The following FBLN5 variants were observed in gnomAD, a reference collection of about 807,000 sequenced individuals.
FBLN5 encodes fibulin-5.
A neutral mutation model predicts 61.6 loss-of-function variants in FBLN5; 24 were observed. The ratio of observed to expected loss-of-function variants is 0.39; its 90% CI spans 0.28 to 0.55. The LOEUF (loss-of-function observed/expected upper bound fraction) is 0.55, where lower values mean the gene tolerates loss of function less well. Ranked by LOEUF, FBLN5 falls within the 20% of genes least tolerant of loss-of-function variation. FBLN5 has a pLI of 0.65. For missense variants in FBLN5, 470 were observed against 594.1 expected, an observed-to-expected ratio of 0.79 and a Z score of 2.17; for synonymous variants, 213 against 219.8, an observed-to-expected ratio of 0.97 and a Z score of 0.27.
chr14:91,917,438 T>C (rs944046715), intron 4 of FBLN5, among the ~76,000 whole-genome samples: 1 of 151,774 alleles, frequency 6.6e-6, no homozygotes, highest in Non-Finnish European at 1.5e-5. Flanking sequence ...TAGCTGGGCA[T>C]GGTGGCGTGC....
chr14:91,924,074 T>C (rs1195444413), intron 4 of FBLN5, among the ~76,000 whole-genome samples: 1 of 152,238 alleles, frequency 6.6e-6, no homozygotes, highest in Non-Finnish European at 1.5e-5. Context: ...AAATTATGCC[T>C]AGTGTTCCAT....
At chr14:91,887,131 C>A (rs1889760297) in intron 7 of FBLN5, 62 bp downstream of exon 7, 4 of 1,588,386 alleles carry the variant, frequency 2.5e-6, no homozygotes, top group East Asian at 2.2e-5. Context: ...GAAGCCCTTG[C>A]CCTTCAACCC....
rs58984750 is a variant in FBLN5, at chr14:91,937,352, T to C, written c.125-151A>G. On this transcript the variant is annotated intron_variant, in intron 3 of 10. Transcript: ENST00000342058. Reference sequence around the variant, plus strand: ...CATCGCGGTAAGGTACCCCAAATGTTGGCTGAAGTGTATCAAAGTAACCAG... The same window carrying C: ...CATCGCGGTAAGGTACCCCAAATGTCGGCTGAAGTGTATCAAAGTAACCAG... The C allele has an allele frequency of 0.013, 12,418 of 934,768 alleles. 310 individuals carry two copies. The highest frequency in any genetic ancestry group is 0.091 in the East Asian group (3,468 of 38,024). The allele number at this position is 934,768 out of a possible 1,614,324, so 57.9% of individuals were successfully genotyped here.
At position 91,881,240 on chromosome 14, in the gene FBLN5, T is replaced by A. The variant is rs1165871669; in HGVS notation, c.989+52A>T. ...CTTTCACACCACACCTCCAACCTCC[T>A]GAGCCAGGCCCTCATCAGGTTTCTA... On this transcript the variant is annotated intron_variant, in intron 9 of 10. Coordinates refer to ENST00000342058, the MANE Select transcript of FBLN5 (RefSeq NM_006329.4). 23 of 1,611,168 alleles carry A rather than the reference T, an allele frequency of 1.4e-5. 1 individual carries two copies. The highest frequency in any genetic ancestry group is 1.1e-5 in the South Asian group (1 of 90,936).
At position 91,885,008 on chromosome 14, in the gene FBLN5, C is replaced by T. The variant is rs554627191; in HGVS notation, c.740-1932G>A. 9.2e-5 allele frequency among the ~76,000 whole-genome samples: 14 copies of T among 152,318 alleles called. 1 individual carries two copies. The highest frequency in any genetic ancestry group is 3.4e-4 in the African/African-American group (14 of 41,570). On this transcript the variant is annotated intron_variant, in intron 7 of 10. Transcript: ENST00000342058. ...CCAGGAACAGCTCAGCTTAGCAAAT[C>T]CCTGAGAGACAAGGCTAGGAGGGGT...
chr14:91,915,952 G>A lies in FBLN5; in HGVS notation c.380-20880C>T, dbSNP rs568801663. ...AAGAGTAATATTAAAAAAGAAATGT[G>A]GCAGGTCATTCTACTTTATAGACAT... On this transcript the variant is annotated intron_variant, in intron 4 of 10. Coordinates refer to ENST00000342058, the MANE Select transcript of FBLN5 (RefSeq NM_006329.4). 3.0e-4 allele frequency among the ~76,000 whole-genome samples: 45 copies of A among 152,116 alleles called. No individual in the cohort carries two copies. The Middle Eastern group carries it at 0.014, about 46-fold the overall frequency.
intron 10 of FBLN5, among the ~76,000 whole-genome samples, chr14:91,871,839 G>A (rs578081995): frequency 4.4e-4 from 66 of 150,832 alleles, no homozygotes; most frequent in African/African-American, 1.5e-3. Flanking sequence ...CCTGGACAAC[G>A]GCGAGACTCC....
At chr14:91,928,638 G>A (rs1436380355) in intron 4 of FBLN5, among the ~76,000 whole-genome samples, 1 of 152,086 alleles carries the variant, frequency 6.6e-6, no homozygotes, top group Non-Finnish European at 1.5e-5. Context: ...TGGGCATGGT[G>A]GCATGTACTG....
At chr14:91,917,339 GA>G (rs2140017318) in intron 4 of FBLN5, among the ~76,000 whole-genome samples, 1 of 152,280 alleles carries the variant, frequency 6.6e-6, no homozygotes, top group African/African-American at 2.4e-5. Flanking sequence ...AGCACTTTGG[GA>G]GGCCGAGGTG....
intron 4 of FBLN5, among the ~76,000 whole-genome samples, chr14:91,903,796 T>C (rs1890560670): frequency 6.6e-6 from 1 of 152,136 alleles, no homozygotes; most frequent in Non-Finnish European, 1.5e-5. Context: ...CTTCTGAAAA[T>C]CTTGCAAATT....
rs1403100510 is a variant in FBLN5 at position 91,943,752 on chromosome 14, A to G, written c.18-791T>C. On this transcript the variant is annotated intron_variant, in intron 1 of 10. Coordinates refer to ENST00000342058, the MANE Select transcript of FBLN5 (RefSeq NM_006329.4). This position sits in a 1 kb window ranked among gnomAD's most constrained non-coding sequence, Gnocchi z 4.0. ...CACTGAACCAGAGCATTGAGTCCAC[A>G]TGTGTGAAAATCCCCCATCAGTGGA... Among the ~76,000 whole-genome samples, 1 of 152,170 alleles carries G rather than the reference A, an allele frequency of 6.6e-6. No individual in the cohort carries two copies. Among genetic ancestry groups the G allele is most frequent in the Non-Finnish European group, 1.5e-5 (1 of 68,026 alleles).
At chr14:91,940,774 C>T (rs1410987882) in intron 2 of FBLN5, among the ~76,000 whole-genome samples, 158 bp from the exon 3 acceptor site, 2 of 152,052 alleles carry the variant, frequency 1.3e-5, no homozygotes, top group Admixed American at 6.6e-5. Context: ...TAAAATTTTT[C>T]CTTGTAATTA....
At chr14:91,938,298 A>T in intron 3 of FBLN5, 1 of 171,456 alleles carries the variant, frequency 5.8e-6, no homozygotes, top group South Asian at 9.8e-5. Flanking sequence ...TCTACTAAAT[A>T]CCAAAAATTA....
intron 4 of FBLN5, among the ~76,000 whole-genome samples, chr14:91,906,961 G>C (rs1409987492): frequency 6.6e-6 from 1 of 152,208 alleles, no homozygotes; most frequent in East Asian, 1.9e-4. Flanking sequence ...TCCCAACTCA[G>C]GATGGTGAAT....
intron 1 of FBLN5, among the ~76,000 whole-genome samples, chr14:91,945,059 C>T (rs1277152730): frequency 1.3e-5 from 2 of 151,916 alleles, no homozygotes; most frequent in African/African-American, 2.4e-5. Flanking sequence ...GGTGAAACCC[C>T]GTCTCTACTA....
At chr14:91,881,123 A>ACCCCCCC (rs113395651) in intron 9 of FBLN5, among the ~76,000 whole-genome samples, 169 bp downstream of exon 9, 28 of 120,360 alleles carry the variant, frequency 2.3e-4, no homozygotes, top group African/African-American at 8.1e-4. Context: ...TCTATTCTAC[A>ACCCCCCC]CACACACACA....
Position 91,881,180 on chromosome 14 carries a change from G to A in FBLN5, c.989+112C>T, listed in dbSNP as rs1257679152. ...GCATGAGCACATGACGTAGGTAGTA[G>A]GCCAGGTCCCCTCACTTCCTGGCTG... On this transcript the variant is annotated intron_variant, in intron 9 of 10. Coordinates refer to ENST00000342058, the MANE Select transcript of FBLN5 (RefSeq NM_006329.4). 6.9e-6 allele frequency: 8 copies of A among 1,157,162 alleles called. No homozygotes were observed. The African/African-American group carries it at 7.6e-5, about 11-fold the overall frequency. 71.7% of individuals were successfully genotyped at this position (1,157,162 alleles called of 1,614,324 possible). A position where few individuals can be genotyped will look rare whatever the true frequency, so the allele number is the denominator to read the frequency against.
At chr14:91,889,638 C>G (rs1049287550) in intron 6 of FBLN5, among the ~76,000 whole-genome samples, 3 of 152,238 alleles carry the variant, frequency 2.0e-5, no homozygotes, top group Non-Finnish European at 4.4e-5. Context: ...GTGAGATGAA[C>G]AGACGTGACA....
rs1456622933 is a variant in FBLN5, at chr14:91,877,630, T to C, written c.1042A>G (p.Ile348Val). The change falls in exon 10 of 11, where the codon ATC becomes GTC. Residue 348 changes from isoleucine (I) to valine (V), a missense_variant. Ile to Val is a conservative substitution (Grantham distance 29). Transcript: ENST00000342058. ...ACCACGTCCATGTCCCGGTACAAGA[T>C]GGTAAAGGGCTGGTCTCTGCAGCCA... The part of the protein sequence containing the change: ...NPGCRDQPFT[I>V]LYRDMDVVSG... 1 of 1,613,850 alleles carries C rather than the reference T, an allele frequency of 6.2e-7. No homozygotes were observed. Among genetic ancestry groups the C allele is most frequent in the African/African-American group, 1.3e-5 (1 of 74,854 alleles).
Sources: gnomAD v4.1 joint callset for allele counts (sites outside exome capture counted in the v4.1 genomes callset) on GRCh38, gnomAD v4.1.1 for gene constraint, Gnocchi (gnomAD v3.1) non-coding constraint, MANE v1.5 for transcripts, NCBI Gene and HGNC (gene_info 2026-07-23, HGNC 2026-07-21) for gene names.